RPS6KC1: variants seen among roughly 807,000 people sequenced by gnomAD.
RPS6KC1 encodes inactive ribosomal protein S6 kinase delta-1.
In RPS6KC1, 54 loss-of-function variants were observed where a neutral mutation model predicts 103.8. That is an observed-to-expected ratio of 0.52 (90% CI 0.42 to 0.65). The LOEUF (loss-of-function observed/expected upper bound fraction) is 0.65. RPS6KC1 is among the 30% of genes least tolerant of loss of function. The probability of loss-of-function intolerance (pLI) is 0.00; values close to 1 mark genes in which losing one functional copy is unlikely to be tolerated. For missense variants in RPS6KC1, 1,151 were observed against 1,253.8 expected (o/e 0.92, Z 1.24); for synonymous variants, 439 against 438.7 (o/e 1.00, Z -0.01).
At chr1:213,329,026 G>A in the RPS6KC1 span, among the ~76,000 whole-genome samples, 1 of 152,116 alleles carries the variant, frequency 6.6e-6, no homozygotes, top group African/African-American at 2.4e-5. Flanking sequence ...GGTGCTGGTG[G>A]TACCTTTCTT....
the RPS6KC1 span, among the ~76,000 whole-genome samples, chr1:213,676,328 G>A: frequency 1.3e-5 from 2 of 152,124 alleles, no homozygotes; most frequent in Non-Finnish European, 2.9e-5. Flanking sequence ...TCCTTTAAAG[G>A]CTCCTAGTCA....
chr1:213,842,455 T>C, the RPS6KC1 span, among the ~76,000 whole-genome samples: 1 of 152,196 alleles, frequency 6.6e-6, no homozygotes, highest in Non-Finnish European at 1.5e-5. Flanking sequence ...ATGCAGGGAC[T>C]GTTAGCTTTT....
At chr1:213,326,858 G>T in the RPS6KC1 span, among the ~76,000 whole-genome samples, 1 of 152,126 alleles carries the variant, frequency 6.6e-6, no homozygotes, top group Admixed American at 6.5e-5. Flanking sequence ...ACAGATTTGG[G>T]TGTCCTCCAA....
At chr1:213,462,547 A>G in the RPS6KC1 span, among the ~76,000 whole-genome samples, 2 of 152,250 alleles carry the variant, frequency 1.3e-5, no homozygotes, top group African/African-American at 4.8e-5. Context: ...AATGTGGCAC[A>G]TATATACCAT....
the RPS6KC1 span, among the ~76,000 whole-genome samples, chr1:213,557,757 A>T: frequency 6.6e-6 from 1 of 152,206 alleles, no homozygotes; most frequent in East Asian, 1.9e-4. Context: ...TTTCTTTTAG[A>T]TGTCATTGTT....
At chr1:213,577,167 G>A in the RPS6KC1 span, among the ~76,000 whole-genome samples, 1 of 152,178 alleles carries the variant, frequency 6.6e-6, no homozygotes, top group Non-Finnish European at 1.5e-5. Context: ...TGCTGCTCTA[G>A]TGATAGTGAA....
At chr1:213,291,663 G>GGAA in the RPS6KC1 span, among the ~76,000 whole-genome samples, 2 of 152,334 alleles carry the variant, frequency 1.3e-5, no homozygotes, top group Middle Eastern at 3.4e-3. Flanking sequence ...CACTGCATAA[G>GGAA]GAAGAAAGGC....
intron 6 of RPS6KC1, among the ~76,000 whole-genome samples, chr1:213,139,707 CTG>C (rs1260856932): frequency 6.6e-6 from 1 of 151,976 alleles, no homozygotes; most frequent in Non-Finnish European, 1.5e-5. Flanking sequence ...GTCTGTGTGT[CTG>C]TTTTTGTACC....
At chr1:213,600,804 T>C in the RPS6KC1 span, among the ~76,000 whole-genome samples, 1 of 152,260 alleles carries the variant, frequency 6.6e-6, no homozygotes, top group Non-Finnish European at 1.5e-5. Flanking sequence ...CTTGATGCAA[T>C]AGTCTCAAAT....
At chr1:213,187,993 G>T (rs61834136) in intron 8 of RPS6KC1, among the ~76,000 whole-genome samples, 5,115 of 152,132 alleles carry the variant, frequency 0.034, 116 homozygotes, top group Middle Eastern at 0.054. Context: ...GTCCCAAAGG[G>T]ATTAGGCTGG....
chr1:213,708,761 G>A, the RPS6KC1 span, among the ~76,000 whole-genome samples: 448 of 152,232 alleles, frequency 2.9e-3, 2 homozygotes, highest in African/African-American at 0.01. Context: ...TTAACATGAA[G>A]CGGTGTTGAA....
At chr1:213,306,292 G>A in the RPS6KC1 span, among the ~76,000 whole-genome samples, 3 of 152,070 alleles carry the variant, frequency 2.0e-5, no homozygotes, top group East Asian at 3.8e-4. Flanking sequence ...TGTCCAGGAA[G>A]GAAAGAAGCT....
At chr1:213,623,657 A>T in the RPS6KC1 span, among the ~76,000 whole-genome samples, 1 of 152,228 alleles carries the variant, frequency 6.6e-6, no homozygotes, top group Admixed American at 6.5e-5. Flanking sequence ...GCAGTTCCTT[A>T]TTAGGAACTC....
chr1:213,626,762 C>T, the RPS6KC1 span, among the ~76,000 whole-genome samples: 12 of 152,198 alleles, frequency 7.9e-5, no homozygotes, highest in Admixed American at 2.0e-4. Context: ...TTTCTGAGGG[C>T]TCTGTTCTGT....
the RPS6KC1 span, among the ~76,000 whole-genome samples, chr1:213,315,742 T>G: frequency 1.3e-5 from 2 of 152,228 alleles, no homozygotes; most frequent in Admixed American, 6.5e-5. Flanking sequence ...CTTGTACAGA[T>G]GACTTGCTCT....
chr1:213,772,665 C>A, the RPS6KC1 span, among the ~76,000 whole-genome samples: 2 of 137,556 alleles, frequency 1.5e-5, no homozygotes, highest in Admixed American at 1.7e-4. Context: ...GCAGGGAGAA[C>A]GGTTGGGCAC....
intron 2 of RPS6KC1, chr1:213,072,946 A>G: frequency 1.3e-5 from 13 of 967,512 alleles, no homozygotes; most frequent in Non-Finnish European, 1.6e-5. Flanking sequence ...AAACTCTTTT[A>G]TAATAACAAC....
the RPS6KC1 span, among the ~76,000 whole-genome samples, chr1:213,849,921 C>T: frequency 6.6e-6 from 1 of 151,822 alleles, no homozygotes. Context: ...TAATTTATTG[C>T]ATGTAGTAAA....
the RPS6KC1 span, among the ~76,000 whole-genome samples, chr1:213,605,117 T>C: frequency 1.3e-5 from 2 of 152,180 alleles, no homozygotes; most frequent in Admixed American, 1.3e-4. Context: ...TGCCCTTAGC[T>C]TCTTGGTAGT....
Sources: allele counts gnomAD v4.1 joint callset (sites outside exome capture counted in the v4.1 genomes callset), GRCh38; gene constraint gnomAD v4.1.1; transcripts MANE v1.5; gene names NCBI Gene and HGNC (gene_info 2026-07-23, HGNC 2026-07-21).